The following SRPK3 variants were observed in gnomAD, a reference collection of about 807,000 sequenced individuals.
SRPK3 encodes SRSF protein kinase 3.
Under a neutral mutation model 45.3 loss-of-function variants are expected in SRPK3, and 26 were observed. That is an observed-to-expected ratio of 0.57 (90% CI 0.42 to 0.80). SRPK3 has a LOEUF of 0.80. SRPK3 is among the 30% of genes least tolerant of loss of function. The pLI, the probability that SRPK3 is intolerant of heterozygous loss-of-function variation, is 0.00. For synonymous variants in SRPK3, 254 were observed against 226.6 expected (o/e 1.12, Z -1.09); for missense variants, 536 against 514.5 (o/e 1.04, Z -0.40).
At chrX:153,783,340 C>T in intron 8 of SRPK3, 89 bp downstream of exon 8, 1 of 586,210 alleles carries the variant, frequency 1.7e-6, no homozygotes, top group Non-Finnish European at 2.7e-6. Context: ...CTCCACCCCC[C>T]ACCTTCACGC....
rs782618756 is a variant in SRPK3, at chrX:153,781,119, C to T, written c.33C>T (p.Ser11=). 2.5e-5 allele frequency: 29 copies of T among 1,143,518 alleles called. No homozygotes were observed. The East Asian group carries it at 7.1e-4, about 28-fold the overall frequency. The allele number at this position is 1,143,518 out of a possible 1,213,427, so 94.2% of individuals were successfully genotyped here. A position where few individuals can be genotyped will look rare whatever the true frequency, so the allele number is the denominator to read the frequency against. ...CCAGCACGGGCGGTGGTGGGGACAG[C>T]GGCGGCAGCGGCGGCAGTAGCAGCA... MSASTGGGGD[S]GGSGGSSSSS... The change falls in exon 1 of 15, where the codon AGC becomes AGT. Residue 11 remains serine, a synonymous_variant. Coordinates refer to ENST00000370101, the MANE Select transcript of SRPK3 (RefSeq NM_014370.4).
In SRPK3 at chrX:153,784,407, G is replaced by A. The variant is rs782634496; in HGVS notation, c.1248+13G>A. The stretch of plus-strand genomic sequence containing the variant: ...CGCCTGCTGGGTGGTATGAGCAAGT[G>A]TGGGAGAGCAGAGTGGGGGGCCCTG... On this transcript the variant is annotated intron_variant, in intron 11 of 14. Coordinates refer to ENST00000370101, the MANE Select transcript of SRPK3 (RefSeq NM_014370.4). The A allele has an allele frequency of 3.3e-6, 4 of 1,204,618 alleles. No homozygotes were observed. Among genetic ancestry groups the A allele is most frequent in the Middle Eastern group, 2.3e-4 (1 of 4,340 alleles).
At position 153,783,248 on chromosome X, in the gene SRPK3, C is replaced by T; in HGVS notation, c.771C>T (p.Val257=). The change falls in exon 8 of 15, where the codon GTC becomes GTT. Residue 257 remains valine, a synonymous_variant. Transcript: ENST00000370101. ...CAGTCAGCACTGCCCCCCAGGAGGT[C>T]TTGGTAAGTTGGGGGGCCCCTCTCT... ...RSIVSTAPQE[V]LQTGKLSKNK... is the part of the protein sequence containing the mutation. 8.5e-7 allele frequency: 1 copy of T among 1,173,282 alleles called. No homozygotes were observed. Among genetic ancestry groups the T allele is most frequent in the African/African-American group, 1.8e-5 (1 of 55,780 alleles).
Position 153,781,348 on chromosome X carries a change from T to C in SRPK3, c.190+2T>C. The C allele has an allele frequency of 8.4e-7, 1 of 1,189,167 alleles. No homozygotes were observed. The highest frequency in any genetic ancestry group is 1.1e-6 in the Non-Finnish European group (1 of 883,002). On this transcript the variant is annotated splice_donor_variant, in intron 2 of 14. Coordinates refer to ENST00000370101, the MANE Select transcript of SRPK3 (RefSeq NM_014370.4). LOFTEE classifies it high-confidence loss of function. ...AAGACCCCAAAGACTACTGCAAGGG[T>C]GAGACTTGGCCTTGGGGACATGCGG...
In SRPK3 at chrX:153,782,011, G is replaced by A. The variant is rs538171189; in HGVS notation, c.388-110G>A. The A allele has an allele frequency of 1.4e-3, 1,235 of 897,570 alleles. 8 individuals carry two copies. In the South Asian group the frequency reaches 0.02, roughly 14 times the overall value. The allele number at this position is 897,570 out of a possible 1,213,427, so 74.0% of individuals were successfully genotyped here. On this transcript the variant is annotated intron_variant, in intron 4 of 14. Transcript: ENST00000370101. The stretch of plus-strand genomic sequence containing the variant: ...CAGGCGAGGGACAGGAGGGGTTGGC[G>A]GCCTTTCTTCCAGCAGGGCCCAGCT...
At position 153,783,004 on chromosome X, in the gene SRPK3, G is replaced by A. The variant is rs1557067414; in HGVS notation, c.634G>A (p.Asp212Asn). The A allele has an allele frequency of 8.4e-7, 1 of 1,186,385 alleles. No homozygotes were observed. Among genetic ancestry groups the A allele is most frequent in the African/African-American group, 1.7e-5 (1 of 57,522 alleles). The change falls in exon 7 of 15, where the codon GAC becomes AAC. Residue 212 changes from aspartate to asparagine, a missense_variant. By Grantham distance (23) the Asp-to-Asn change is conservative. Transcript: ENST00000370101. The part of the protein sequence containing the change: ...LHTKCKIIHT[D>N]IKPENILLCV... ...CACCAAGTGCAAGATCATCCACACGGACATCAAGCCCGAGAACATCTTGCT... is the reference window on the plus strand; with the variant it reads ...CACCAAGTGCAAGATCATCCACACGAACATCAAGCCCGAGAACATCTTGCT...
intron 5 of SRPK3, 84 bp from the exon 6 acceptor site, chrX:153,782,688 A>C (rs1557067296): frequency 1.0e-6 from 1 of 992,445 alleles, no homozygotes; most frequent in South Asian, 2.3e-5. Flanking sequence ...CACACGGCCC[A>C]AGCCTTGCTG....
Position 153,781,814 on chromosome X carries a change from T to C in SRPK3, c.371T>C (p.Ile124Thr), listed in dbSNP as rs2092053842. The part of the protein sequence containing the change: ...GHYTETAVDE[I>T]KLLKCVRDSD... ...TACACGGAGACAGCTGTGGATGAGA[T>C]CAAGCTCCTGAAATGTGTGAGGCAC... is the stretch of plus-strand genomic sequence containing the variant. Residue 124 changes from isoleucine to threonine, a missense_variant, in exon 4 of 15, where the codon ATC (isoleucine) becomes ACC (threonine). Ile to Thr is a moderately conservative substitution (Grantham distance 89). Transcript: ENST00000370101. 8.3e-7 allele frequency: 1 copy of C among 1,211,040 alleles called. No individual in the cohort carries two copies. The highest frequency in any genetic ancestry group is 1.1e-6 in the Non-Finnish European group (1 of 895,333).
chrX:153,783,204 C>A (rs782737721), intron 7 of SRPK3, 22 bp from the exon 8 acceptor site: 2 of 1,083,664 alleles, frequency 1.8e-6, no homozygotes, highest in Non-Finnish European at 2.5e-6. Flanking sequence ...CCCCCCCCAC[C>A]GCTCCCCACC....
Position 153,781,107 on chromosome X carries a change from T to TGGTGGGGAC in SRPK3, c.22_30dup (p.Gly8_Asp10dup). 1 of 1,132,565 alleles carries TGGTGGGGAC rather than the reference T, an allele frequency of 8.8e-7. No homozygotes were observed. Among genetic ancestry groups the TGGTGGGGAC allele is most frequent in the Non-Finnish European group, 1.2e-6 (1 of 858,150 alleles). 93.3% of individuals were successfully genotyped at this position (1,132,565 alleles called of 1,213,427 possible). ...CCGGGATGAGCGCCAGCACGGGCGG[T>TGGTGGGGAC]GGTGGGGACAGCGGCGGCAGCGGCG... is the stretch of plus-strand genomic sequence containing the variant. On this transcript the variant is annotated inframe_insertion, in exon 1 of 15. Transcript: ENST00000370101.
chrX:153,783,458 G>A (rs951420226), intron 8 of SRPK3, among the ~76,000 whole-genome samples: 33 of 112,831 alleles, frequency 2.9e-4, no homozygotes, highest in Non-Finnish European at 4.5e-4. Context: ...TGTCTTCCCC[G>A]AATGGCCACT....
chrX:153,783,690 C>T, intron 8 of SRPK3, 62 bp from the exon 9 acceptor site: 1 of 1,197,269 alleles, frequency 8.4e-7, no homozygotes, highest in Middle Eastern at 3.2e-4. Flanking sequence ...TGCAGGGAAA[C>T]CTCCACTTCA....
Position 153,784,399 on chromosome X carries a change from G to A in SRPK3, c.1248+5G>A, listed in dbSNP as rs782475388. 2 of 1,208,037 alleles carry A rather than the reference G, an allele frequency of 1.7e-6. No homozygotes were observed. Among genetic ancestry groups the A allele is most frequent in the Non-Finnish European group, 2.2e-6 (2 of 893,268 alleles). On this transcript the variant is annotated splice_donor_5th_base_variant and intron_variant, in intron 11 of 14. Transcript: ENST00000370101. The stretch of plus-strand genomic sequence containing the variant: ...CTGGGCAACGCCTGCTGGGTGGTAT[G>A]AGCAAGTGTGGGAGAGCAGAGTGGG...
Position 153,783,240 on chromosome X carries a change from CAGG to C in SRPK3, c.767_769del (p.Glu256del), listed in dbSNP as rs782607241. On this transcript the variant is annotated inframe_deletion, in exon 8 of 15. Coordinates refer to ENST00000370101, the MANE Select transcript of SRPK3 (RefSeq NM_014370.4). ...TGCACTCCCAGTCAGCACTGCCCCC[CAGG>C]AGGTCTTGGTAAGTTGGGGGGCCCC... is the stretch of plus-strand genomic sequence containing the variant. 14 of 1,189,915 alleles carry C rather than the reference CAGG, an allele frequency of 1.2e-5. No homozygotes were observed. The African/African-American group carries it at 1.2e-4, about 11-fold the overall frequency.
Position 153,782,875 on chromosome X carries a change from G to A in SRPK3, c.579G>A (p.Arg193=). 1 of 1,207,586 alleles carries A rather than the reference G, an allele frequency of 8.3e-7. No homozygotes were observed. Among genetic ancestry groups the A allele is most frequent in the African/African-American group, 1.7e-5 (1 of 58,025 alleles). ...TGCCCTGCGTGAAGAGCATCGTGAG[G>A]CAGGTGAGTGCCACCCACTGGGCTG... is the stretch of plus-strand genomic sequence containing the variant. ...LPVPCVKSIV[R]QVLHGLDYLH... The change falls in exon 6 of 15, where the codon AGG becomes AGA. Residue 193 remains arginine, a synonymous_variant. Coordinates refer to ENST00000370101, the MANE Select transcript of SRPK3 (RefSeq NM_014370.4).
rs782192075 is a variant in SRPK3, at chrX:153,783,261, G to A, written c.774+10G>A. On this transcript the variant is annotated intron_variant, in intron 8 of 14. Transcript: ENST00000370101. ...CCCCCAGGAGGTCTTGGTAAGTTGG[G>A]GGGCCCCTCTCTCCCATGCCTCCTC... 2 of 1,193,352 alleles carry A rather than the reference G, an allele frequency of 1.7e-6. No homozygotes were observed. Among genetic ancestry groups the A allele is most frequent in the Admixed American group, 4.4e-5 (2 of 45,108 alleles).
intron 11 of SRPK3, 69 bp downstream of exon 11, chrX:153,784,463 G>T (rs1344578781): frequency 8.1e-6 from 9 of 1,104,506 alleles, no homozygotes; most frequent in Non-Finnish European, 1.1e-5. Flanking sequence ...GGCCGCTCTT[G>T]GGGAGCCCTA....
intron 4 of SRPK3, 134 bp from the exon 5 acceptor site, chrX:153,781,987 A>C: frequency 1.1e-6 from 1 of 871,892 alleles, no homozygotes; most frequent in African/African-American, 2.0e-5. Context: ...CTGGAGGAAC[A>C]GGCGAGGGAC....
chrX:153,785,064 CCT>C lies in SRPK3; in HGVS notation c.1427-14_1427-13del, dbSNP rs1557068565. 17 of 1,211,410 alleles carry C rather than the reference CCT, an allele frequency of 1.4e-5. No homozygotes were observed. The highest frequency in any genetic ancestry group is 1.9e-5 in the Non-Finnish European group (17 of 895,259). ...CTCCCGGCCTGCCTGCCCCCAACCT[CCT>C]CTTTCTGCCCACAGACCACATCGCT... is the stretch of plus-strand genomic sequence containing the variant. On this transcript the variant is annotated splice_polypyrimidine_tract_variant and intron_variant, in intron 13 of 14. Coordinates refer to ENST00000370101, the MANE Select transcript of SRPK3 (RefSeq NM_014370.4).
Sources: allele counts gnomAD v4.1 joint callset (sites outside exome capture counted in the v4.1 genomes callset), GRCh38; gene constraint gnomAD v4.1.1; transcripts MANE v1.5; gene names NCBI Gene and HGNC (gene_info 2026-07-23, HGNC 2026-07-21).